TTC6: variants seen among roughly 807,000 people sequenced by gnomAD.
The protein encoded by TTC6 is tetratricopeptide repeat protein 6.
Under a neutral mutation model 210.4 loss-of-function variants are expected in TTC6, and 172 were observed. The ratio of observed to expected loss-of-function variants is 0.82; its 90% CI spans 0.72 to 0.93. The LOEUF is 0.93. TTC6 is among the 40% of genes least tolerant of loss of function. The pLI is 0.00. For missense variants in TTC6, 2,414 were observed against 2,318.1 expected (o/e 1.04, Z -0.85); for synonymous variants, 804 against 819.6 (o/e 0.98, Z 0.32).
At chr14:37,625,981 G>T (rs1428687239) in intron 1 of TTC6, among the ~76,000 whole-genome samples, 1 of 152,192 alleles carries the variant, frequency 6.6e-6, no homozygotes, top group African/African-American at 2.4e-5. Flanking sequence ...GAAGGTGGCT[G>T]TCCTGTGAAT....
intron 7 of TTC6, among the ~76,000 whole-genome samples, chr14:37,726,243 G>T (rs1456684151): frequency 2.0e-5 from 3 of 152,166 alleles, no homozygotes; most frequent in East Asian, 3.8e-4. Flanking sequence ...TAAAGAAATT[G>T]TGGGGAAAAC....
At chr14:37,749,183 C>T (rs1317201768) in exon 11 of TTC6, 1 of 1,534,096 alleles carries the variant, frequency 6.5e-7, no homozygotes, top group Non-Finnish European at 8.7e-7. Context: ...TCCTGAAGAC[C>T]CACCTGAAAG....
intron 8 of TTC6, among the ~76,000 whole-genome samples, chr14:37,737,056 T>C (rs1885714): frequency 0.63 from 94,818 of 151,512 alleles, 30,803 homozygotes; most frequent in East Asian, 0.89. Flanking sequence ...CTGGATCTGG[T>C]CTAGATGTTT....
intron 23 of TTC6, 48 bp from the exon 26 acceptor site, chr14:37,808,685 A>C (rs2096123515): frequency 2.2e-6 from 2 of 899,632 alleles, no homozygotes; most frequent in Non-Finnish European, 3.4e-6. Flanking sequence ...ATTAAATTTC[A>C]GTCCATTATG....
chr14:37,757,442 T>C (rs1309844996), intron 14 of TTC6, among the ~76,000 whole-genome samples: 1 of 151,818 alleles, frequency 6.6e-6, no homozygotes, highest in Non-Finnish European at 1.5e-5. Context: ...TTATTTTTAT[T>C]TTTTGTATTT....
intron 5 of TTC6, among the ~76,000 whole-genome samples, chr14:37,704,907 T>A (rs1416226670): frequency 2.0e-5 from 3 of 152,164 alleles, no homozygotes; most frequent in Non-Finnish European, 4.4e-5. Flanking sequence ...AAATATAATT[T>A]ATTCAATGAA....
At chr14:37,617,994 TGTAATACTCTGATGA>T (rs2095645487), upstream of TTC6, among the ~76,000 whole-genome samples, 1 of 152,220 alleles carries the variant, frequency 6.6e-6, no homozygotes, top group Non-Finnish European at 1.5e-5. Context: ...CCATTCCTAA[TGTAATACTCTGATGA>T]GCTAGGCCTA....
intron 1 of TTC6, among the ~76,000 whole-genome samples, chr14:37,650,154 C>T (rs1422452877): frequency 6.6e-6 from 1 of 152,196 alleles, no homozygotes; most frequent in African/African-American, 2.4e-5. Flanking sequence ...TTACCTGGCA[C>T]AGGTGTGCCC....
At chr14:37,728,197 T>C (rs1172907738) in intron 7 of TTC6, among the ~76,000 whole-genome samples, 1 of 152,220 alleles carries the variant, frequency 6.6e-6, no homozygotes, top group Non-Finnish European at 1.5e-5. Context: ...TGTAATATTG[T>C]TACATTTTAT....
intron 6 of TTC6, among the ~76,000 whole-genome samples, chr14:37,717,497 A>G (rs930044233): frequency 1.7e-4 from 26 of 152,174 alleles, no homozygotes; most frequent in African/African-American, 6.3e-4. Flanking sequence ...CAACTCACCC[A>G]GTATGAAATA....
intron 1 of TTC6, among the ~76,000 whole-genome samples, chr14:37,599,020 G>C (rs1271256537): frequency 1.3e-5 from 2 of 150,558 alleles, no homozygotes; most frequent in East Asian, 4.0e-4. Flanking sequence ...TCGTTAACGC[G>C]GTTCAAAGCC....
At chr14:37,599,218 T>A (rs1363268911) in intron 1 of TTC6, among the ~76,000 whole-genome samples, 1 of 152,236 alleles carries the variant, frequency 6.6e-6, no homozygotes, top group Non-Finnish European at 1.5e-5. Context: ...GGGTTCGAAC[T>A]CCGTTCCTTC....
At chr14:37,760,775 T>A (rs995212319) in intron 14 of TTC6, among the ~76,000 whole-genome samples, 2 of 152,174 alleles carry the variant, frequency 1.3e-5, no homozygotes, top group Non-Finnish European at 2.9e-5. Flanking sequence ...CTGTGGTGAA[T>A]TCCCCCCAGT....
intron 15 of TTC6, 62 bp from the exon 18 acceptor site, chr14:37,790,655 G>C: frequency 7.3e-7 from 1 of 1,368,390 alleles, no homozygotes; most frequent in Non-Finnish European, 1.0e-6. Context: ...ACAGACTAAA[G>C]TATAATTTAC....
Position 37,796,279 on chromosome 14 carries a change from G to A in TTC6, c.3792-15G>A, listed in dbSNP as rs576665800. The A allele has an allele frequency of 2.2e-5, 25 of 1,148,400 alleles. No individual in the cohort carries two copies. The Admixed American group carries it at 4.7e-4, about 22-fold the overall frequency. 71.1% of individuals were successfully genotyped at this position (1,148,400 alleles called of 1,614,324 possible). ...TTTTTAGCTGCTTAGAATCAAAATCGATTATTTCTTCCAGAGGACAATATC... is the reference window on the plus strand; with the variant it reads ...TTTTTAGCTGCTTAGAATCAAAATCAATTATTTCTTCCAGAGGACAATATC... On this transcript the variant is annotated splice_polypyrimidine_tract_variant and intron_variant, in intron 18 of 30. Transcript: ENST00000553443.
intron 14 of TTC6, among the ~76,000 whole-genome samples, chr14:37,766,269 A>C (rs2095999038): frequency 6.6e-6 from 1 of 152,044 alleles, no homozygotes; most frequent in Non-Finnish European, 1.5e-5. Flanking sequence ...ATATAGGTAA[A>C]TTTGTGTCAC....
intron 14 of TTC6, among the ~76,000 whole-genome samples, chr14:37,783,211 C>T (rs1425089694): frequency 6.6e-6 from 1 of 152,128 alleles, no homozygotes; most frequent in Non-Finnish European, 1.5e-5. Flanking sequence ...AGGGTACCAG[C>T]TCCTTTTTGT....
In TTC6 at chr14:37,629,999, C is replaced by T. The variant is rs563799285; in HGVS notation, c.939+6996C>T. On this transcript the variant is annotated intron_variant, in intron 1 of 30. Coordinates refer to ENST00000553443, the Ensembl canonical transcript of TTC6. Reference sequence around the variant, plus strand: ...ATAAGCTCTTTGATGTGCTGCTGGACTCAGTTTGTTAATCTTTTCAATAAA... The same window carrying T: ...ATAAGCTCTTTGATGTGCTGCTGGATTCAGTTTGTTAATCTTTTCAATAAA... Among the ~76,000 whole-genome samples, 10 of 151,836 alleles carry T rather than the reference C, an allele frequency of 6.6e-5. No individual in the cohort carries two copies. The South Asian group carries it at 2.1e-3, about 32-fold the overall frequency.
At position 37,701,575 on chromosome 14, in the gene TTC6, T is replaced by C; in HGVS notation, c.1571+49T>C. 3.7e-6 allele frequency: 5 copies of C among 1,369,010 alleles called. No individual in the cohort carries two copies. The South Asian group carries it at 4.9e-5, about 13-fold the overall frequency. 84.8% of individuals were successfully genotyped at this position (1,369,010 alleles called of 1,614,324 possible). A position where few individuals can be genotyped will look rare whatever the true frequency, so the allele number is the denominator to read the frequency against. On this transcript the variant is annotated intron_variant, in intron 5 of 30. Transcript: ENST00000553443. ...ATTTTAAGCTAAATGTAAACTGTCA[T>C]ATAAATCCTGCCTTTTGAGTTCTAG...
Sources: gnomAD v4.1 joint callset for allele counts (sites outside exome capture counted in the v4.1 genomes callset) on GRCh38, gnomAD v4.1.1 for gene constraint, MANE v1.5 for transcripts, NCBI Gene and HGNC (gene_info 2026-07-23, HGNC 2026-07-21) for gene names.